CAMSAP3: variants seen among roughly 807,000 people sequenced by gnomAD.
CAMSAP3 encodes the protein calmodulin-regulated spectrin-associated protein 3.
A neutral mutation model predicts 112.5 loss-of-function variants in CAMSAP3; 34 were observed. The ratio of observed to expected loss-of-function variants is 0.30; its 90% confidence interval spans 0.23 to 0.40. The LOEUF is 0.40. Ranked by LOEUF, CAMSAP3 falls within the 10% of genes least tolerant of loss-of-function variation. CAMSAP3 has a pLI of 1.00. For missense variants in CAMSAP3, 1,602 were observed against 1,770.3 expected, an observed-to-expected ratio of 0.90 and a Z score of 1.71; for synonymous variants, 868 against 799.8, an observed-to-expected ratio of 1.09 and a Z score of -1.44.
rs914805303 is a variant in CAMSAP3, at chr19:7,617,004, A to G, written c.3213-322A>G. On this transcript the variant is annotated intron_variant, in intron 14 of 16. Transcript: ENST00000160298. The surrounding 1 kb of genome is among the most constrained non-coding windows in gnomAD (Gnocchi z 7.5). ...TGCTGTGTCGCCCAGGCTGGAGTGC[A>G]GTGGCGCAATCTTGGCTCACGGCAA... 7.8e-6 allele frequency among the ~76,000 whole-genome samples: 1 copy of G among 128,840 alleles called. No homozygotes were observed. The highest frequency in any genetic ancestry group is 9.8e-5 in the Admixed American group (1 of 10,164). The allele number at this position is 128,840 out of a possible 152,430, so 84.5% of individuals were successfully genotyped here.
In CAMSAP3 at chr19:7,607,923, C is replaced by T; in HGVS notation, c.622-203C>T. 1.2e-6 allele frequency: 1 copy of T among 816,294 alleles called. No homozygotes were observed. Among genetic ancestry groups the T allele is most frequent in the East Asian group, 2.5e-5 (1 of 40,464 alleles). The allele number at this position is 816,294 out of a possible 1,614,324, so 50.6% of individuals were successfully genotyped here. ...GAGTCCCTGTCCCCAGCCCCCGCTG[C>T]TGGCCTGGCTGCTCGAAGACATCTC... is the stretch of plus-strand genomic sequence containing the variant. On this transcript the variant is annotated intron_variant, in intron 4 of 16. Transcript: ENST00000160298. The surrounding 1 kb of genome is among the most constrained non-coding windows in gnomAD (Gnocchi z 4.9).
At position 7,606,478 on chromosome 19, in the gene CAMSAP3, C is replaced by G; in HGVS notation, c.528C>G (p.Thr176=). 1 of 1,593,694 alleles carries G rather than the reference C, an allele frequency of 6.3e-7. No homozygotes were observed. Among genetic ancestry groups the G allele is most frequent in the Non-Finnish European group, 8.5e-7 (1 of 1,175,280 alleles). The stretch of plus-strand genomic sequence containing the variant: ...CTGACCCCCTCCCTGCCCTCCAGAC[C>G]GTCCGGCGGCTGCAGGAGAAGACCG... ...EHKLLFWVDT[T]VRRLQEKTEQ... is the part of the protein sequence containing the mutation. Residue 176 remains threonine, a splice_region_variant and synonymous_variant, in exon 4 of 17, where the codon ACC becomes ACG. Coordinates refer to ENST00000160298, the MANE Select transcript of CAMSAP3 (RefSeq NM_020902.2).
At chr19:7,606,164 C>CCCCCCA in intron 2 of CAMSAP3, 107 bp from the exon 3 acceptor site, 3 of 823,744 alleles carry the variant, frequency 3.6e-6, no homozygotes, top group East Asian at 3.9e-5. Flanking sequence ...CCACCCCCCC[C>CCCCCCA]GTCAAGTCCC....
At chr19:7,602,907 G>A (rs987089961) in intron 1 of CAMSAP3, among the ~76,000 whole-genome samples, 2 of 151,252 alleles carry the variant, frequency 1.3e-5, no homozygotes, top group African/African-American at 4.9e-5. Context: ...GGGCAGCATC[G>A]AGCTCAGGGA....
rs377570686 is a variant in CAMSAP3, at chr19:7,611,036, C to G, written c.1050-59C>G. On this transcript the variant is annotated intron_variant, in intron 8 of 16. Coordinates refer to ENST00000160298, the MANE Select transcript of CAMSAP3 (RefSeq NM_020902.2). The surrounding 1 kb of genome is among the most constrained non-coding windows in gnomAD (Gnocchi z 6.9). ...GCTGGGTGATGCTGTTGTCTCCCCC[C>G]GGGGAGAGGCGGAGGAGGAGGTGGG... 4.3e-5 allele frequency: 69 copies of G among 1,595,260 alleles called. No homozygotes were observed. The South Asian group carries it at 7.0e-4, about 16-fold the overall frequency.
In CAMSAP3 at chr19:7,611,145, A is replaced by G; in HGVS notation, c.1100A>G (p.Gln367Arg). 1 of 1,613,584 alleles carries G rather than the reference A, an allele frequency of 6.2e-7. No individual in the cohort carries two copies. Among genetic ancestry groups the G allele is most frequent in the African/African-American group, 1.3e-5 (1 of 75,008 alleles). ...CCGCTTCTGTCATCTGGTGGCCCCC[A>G]GTCCCCACTCCGAGGATCCACAGGT... ...RHPLLSSGGPQSPLRGSTGSL... is the reference protein window; with the variant it reads ...RHPLLSSGGPRSPLRGSTGSL... The change falls in exon 9 of 17, where the codon CAG (glutamine) becomes CGG (arginine). Residue 367 changes from glutamine (Q) to arginine (R), a missense_variant. Physicochemically the swap from Gln to Arg is conservative, Grantham distance 43. Transcript: ENST00000160298. This position sits in a 1 kb window ranked among gnomAD's most constrained non-coding sequence, Gnocchi z 6.9.
chr19:7,596,510 T>TG (rs1402432228), intron 1 of CAMSAP3, among the ~76,000 whole-genome samples: 5 of 148,786 alleles, frequency 3.4e-5, no homozygotes, highest in African/African-American at 1.2e-4. Context: ...AGGCCTTCCC[T>TG]TGCACGCCTT....
In CAMSAP3 at chr19:7,605,627, C is replaced by T. The variant is rs913358867; in HGVS notation, c.402+148C>T. The T allele has an allele frequency of 8.3e-6, 8 of 960,530 alleles. No individual in the cohort carries two copies. In the African/African-American group the frequency reaches 1.4e-4, roughly 17 times the overall value. 59.5% of individuals were successfully genotyped at this position (960,530 alleles called of 1,614,324 possible). ...GTCGATTAAGCCTAGCTCCTCCCAT[C>T]AGGCTTGGCTCCTCCCCCAGGTTCC... On this transcript the variant is annotated intron_variant, in intron 2 of 16. Coordinates refer to ENST00000160298, the MANE Select transcript of CAMSAP3 (RefSeq NM_020902.2).
Position 7,615,334 on chromosome 19 carries a change from C to A in CAMSAP3, c.2810+12C>A. On this transcript the variant is annotated intron_variant, in intron 12 of 16. Coordinates refer to ENST00000160298, the MANE Select transcript of CAMSAP3 (RefSeq NM_020902.2). This position sits in a 1 kb window ranked among gnomAD's most constrained non-coding sequence, Gnocchi z 6.5. ...GAGGAGGCCGCGAGGTGAGGCCGGG[C>A]CTGCCCGGGACGCCCGCTCCTTGGC... The A allele has an allele frequency of 6.5e-7, 1 of 1,540,646 alleles. No individual in the cohort carries two copies.
chr19:7,605,694 T>C (rs1162030550), intron 2 of CAMSAP3, among the ~76,000 whole-genome samples: 1 of 140,574 alleles, frequency 7.1e-6, no homozygotes, highest in African/African-American at 2.7e-5. Flanking sequence ...CTATTAAGCC[T>C]AGTTCCTCCC....
Position 7,611,955 on chromosome 19 carries a change from C to T in CAMSAP3, c.1462C>T (p.Pro488Ser), listed in dbSNP as rs1486611571. The change falls in exon 11 of 17, where the codon CCT (proline) becomes TCT (serine). Residue 488 changes from proline to serine, a missense_variant. Pro to Ser is a moderately conservative substitution (Grantham distance 74). This residue lies in a region of CAMSAP3 where 1,100 missense variants were observed against 1,135.7 expected (regional missense o/e 0.97). Coordinates refer to ENST00000160298, the MANE Select transcript of CAMSAP3 (RefSeq NM_020902.2). This position sits in a 1 kb window ranked among gnomAD's most constrained non-coding sequence, Gnocchi z 6.9. The stretch of plus-strand genomic sequence containing the variant: ...CGACGGCAGCTTCTACCTCCACTCC[C>T]CTGAGGGGCCCTCCAAGCCATCCCT... The part of the protein sequence containing the change: ...AADGSFYLHS[P>S]EGPSKPSLAS... The T allele has an allele frequency of 1.9e-6, 3 of 1,610,180 alleles. No homozygotes were observed. In the African/African-American group the frequency reaches 4.0e-5, roughly 21 times the overall value.
rs755140419 is a variant in CAMSAP3, at chr19:7,611,535, C to T, written c.1142C>T (p.Pro381Leu). 23 of 1,612,252 alleles carry T rather than the reference C, an allele frequency of 1.4e-5. No individual in the cohort carries two copies. The highest frequency in any genetic ancestry group is 6.7e-5 in the East Asian group (3 of 44,844). ...RGSTGSLKSSPSMSHMEALGK... is the reference protein window; with the variant it reads ...RGSTGSLKSSLSMSHMEALGK... Reference sequence around the variant, plus strand: ...CCCCCAGGCTCCCTGAAGTCTTCCCCGTCCATGTCCCATATGGAGGCCCTG... The same window carrying T: ...CCCCCAGGCTCCCTGAAGTCTTCCCTGTCCATGTCCCATATGGAGGCCCTG... The change falls in exon 10 of 17, where the codon CCG (proline) becomes CTG (leucine). Residue 381 changes from proline (P) to leucine (L), a missense_variant. Physicochemically the swap from Pro to Leu is moderately conservative, Grantham distance 98. This residue lies in a region of CAMSAP3 where 1,100 missense variants were observed against 1,135.7 expected (regional missense o/e 0.97). Transcript: ENST00000160298. This position sits in a 1 kb window ranked among gnomAD's most constrained non-coding sequence, Gnocchi z 6.9.
chr19:7,617,916 G>A lies in CAMSAP3; in HGVS notation c.3609G>A (p.Lys1203=), dbSNP rs2030899278. ...VTPAMVEGIY[K]YNSDRKRFTQ... ...CCGCCATGGTGGAAGGCATCTACAA[G>A]TACAACTCGGACCGCAAGCGCTTCA... is the stretch of plus-strand genomic sequence containing the variant. Residue 1203 remains lysine (K), a synonymous_variant, in exon 17 of 17, where the codon AAG becomes AAA. Transcript: ENST00000160298. The surrounding 1 kb of genome is among the most constrained non-coding windows in gnomAD (Gnocchi z 7.5). 6.2e-7 allele frequency: 1 copy of A among 1,613,992 alleles called. No homozygotes were observed.
chr19:7,598,288 C>T (rs1568437135), intron 1 of CAMSAP3, among the ~76,000 whole-genome samples: 1 of 152,076 alleles, frequency 6.6e-6, no homozygotes, highest in African/African-American at 2.4e-5. Context: ...GGCAAAGGCT[C>T]GGAGTGTGGA....
intron 14 of CAMSAP3, among the ~76,000 whole-genome samples, chr19:7,616,934 CTTTTTTTT>C (rs545769780): frequency 1.2e-5 from 1 of 83,036 alleles, no homozygotes; most frequent in Non-Finnish European, 2.1e-5. Flanking sequence ...TGTGGCCCGC[CTTTTTTTT>C]TTTTTTTTTT....
chr19:7,610,920 C>T lies in CAMSAP3; in HGVS notation c.1038C>T (p.Asn346=). 1 of 1,584,740 alleles carries T rather than the reference C, an allele frequency of 6.3e-7. No homozygotes were observed. Among genetic ancestry groups the T allele is most frequent in the Non-Finnish European group, 8.6e-7 (1 of 1,164,486 alleles). Residue 346 remains asparagine, a synonymous_variant, in exon 8 of 17, where the codon AAC becomes AAT. Coordinates refer to ENST00000160298, the MANE Select transcript of CAMSAP3 (RefSeq NM_020902.2). This position sits in a 1 kb window ranked among gnomAD's most constrained non-coding sequence, Gnocchi z 4.9. The stretch of plus-strand genomic sequence containing the variant: ...CTGAGGCCTCCCCACCTCAGAACAA[C>T]AGCGGCAGTAGGTACGCTCCCCACA... ...RGTEASPPQN[N]SGSSSPVFTF... is the part of the protein sequence containing the mutation.
chr19:7,615,538 C>T lies in CAMSAP3; in HGVS notation c.2931C>T (p.Phe977=), dbSNP rs1366094971. The change falls in exon 13 of 17, where the codon TTC becomes TTT. Residue 977 remains phenylalanine, a synonymous_variant. Coordinates refer to ENST00000160298, the MANE Select transcript of CAMSAP3 (RefSeq NM_020902.2). This position sits in a 1 kb window ranked among gnomAD's most constrained non-coding sequence, Gnocchi z 6.5. ...AGGTGGGCCCCCGGAAGGGGGACTT[C>T]ACGCGGCAGGAGTACGAGCGCCGGG... ...EEEVGPRKGD[F]TRQEYERRAQ... 2.0e-6 allele frequency: 3 copies of T among 1,533,694 alleles called. No individual in the cohort carries two copies. In the East Asian group the frequency reaches 7.4e-5, roughly 38 times the overall value.
Position 7,615,762 on chromosome 19 carries a change from G to C in CAMSAP3, c.3112+43G>C. ...ACGGGGCCTGCCCAGTGCCCTTTCC[G>C]GGGCTCACTGGGTGAGGCCCCCATG... On this transcript the variant is annotated intron_variant, in intron 13 of 16. Coordinates refer to ENST00000160298, the MANE Select transcript of CAMSAP3 (RefSeq NM_020902.2). This position sits in a 1 kb window ranked among gnomAD's most constrained non-coding sequence, Gnocchi z 6.5. The C allele has an allele frequency of 2.3e-6, 3 of 1,327,926 alleles. No homozygotes were observed. The highest frequency in any genetic ancestry group is 2.9e-6 in the Non-Finnish European group (3 of 1,039,324). The allele number at this position is 1,327,926 out of a possible 1,614,324, so 82.3% of individuals were successfully genotyped here. A position where few individuals can be genotyped will look rare whatever the true frequency, so the allele number is the denominator to read the frequency against.
Position 7,608,263 on chromosome 19 carries a change from G to A in CAMSAP3, c.759G>A (p.Glu253=), listed in dbSNP as rs891131300. The change falls in exon 5 of 17, where the codon GAG becomes GAA. Residue 253 remains glutamate, a splice_region_variant and synonymous_variant. Coordinates refer to ENST00000160298, the MANE Select transcript of CAMSAP3 (RefSeq NM_020902.2). The part of the protein sequence containing the change: ...HCYCPQLLRL[E]EVCLKDPMSV... ...ATTGTCCCCAGCTGCTTCGACTTGA[G>A]GGTGAGTAAATGGATGTGGAACAGA... is the stretch of plus-strand genomic sequence containing the variant. The A allele has an allele frequency of 3.1e-6, 5 of 1,610,884 alleles. No individual in the cohort carries two copies. Among genetic ancestry groups the A allele is most frequent in the Non-Finnish European group, 4.2e-6 (5 of 1,178,424 alleles).
Sources: allele counts gnomAD v4.1 joint callset (sites outside exome capture counted in the v4.1 genomes callset), GRCh38; gene constraint gnomAD v4.1.1; regional missense constraint gnomAD v4.1.1; non-coding constraint Gnocchi (gnomAD v3.1); transcripts MANE v1.5; gene names NCBI Gene and HGNC (gene_info 2026-07-23, HGNC 2026-07-21).